Variants in UBE2G1 observed in about 807,000 individuals in gnomAD.
The protein encoded by UBE2G1 is ubiquitin-conjugating enzyme E2 G1.
Under a neutral mutation model 22.7 loss-of-function variants are expected in UBE2G1, and 5 were observed. The ratio of observed to expected loss-of-function variants is 0.22; its 90% CI spans 0.12 to 0.46. The LOEUF (loss-of-function observed/expected upper bound fraction) is 0.46, where lower values mean the gene tolerates loss of function less well. Among genes scored for constraint, UBE2G1 ranks in the 20% least tolerant of loss-of-function variants. The probability of loss-of-function intolerance (pLI) is 0.99; values close to 1 mark genes in which losing one functional copy is unlikely to be tolerated. For synonymous variants in UBE2G1, 74 were observed against 67.5 expected, an observed-to-expected ratio of 1.10 and a Z score of -0.47; for missense variants, 88 against 203.9, an observed-to-expected ratio of 0.43 and a Z score of 3.46.
intron 2 of UBE2G1, chr17:4,301,916 A>C (rs1969184824): frequency 3.1e-5 from 15 of 487,846 alleles, no homozygotes; most frequent in South Asian, 2.4e-4. Flanking sequence ...TGGTCACACA[A>C]CCCCTGGGGT....
chr17:4,366,337 G>A lies in UBE2G1; in HGVS notation c.-21C>T, dbSNP rs1376943298. Reference sequence around the variant, plus strand: ...GTCATCCTCCCTGCCGAGGGCCCGGGCTGGCGCCGGGGCTTCCGAAGGGCT... The same window carrying A: ...GTCATCCTCCCTGCCGAGGGCCCGGACTGGCGCCGGGGCTTCCGAAGGGCT... On this transcript the variant is annotated 5_prime_UTR_variant, in exon 1 of 6. Transcript: ENST00000396981. The A allele has an allele frequency of 1.9e-5, 29 of 1,531,840 alleles. No individual in the cohort carries two copies. The highest frequency in any genetic ancestry group is 2.3e-5 in the Non-Finnish European group (27 of 1,148,986). The allele number at this position is 1,531,840 out of a possible 1,614,324, so 94.9% of individuals were successfully genotyped here. A position where few individuals can be genotyped will look rare whatever the true frequency, so the allele number is the denominator to read the frequency against.
intron 3 of UBE2G1, among the ~76,000 whole-genome samples, chr17:4,293,539 T>C (rs1969069119): frequency 6.6e-6 from 1 of 152,208 alleles, no homozygotes; most frequent in African/African-American, 2.4e-5. Flanking sequence ...GTTAGGTTCC[T>C]AGGATGGAAG....
chr17:4,279,652 G>A (rs370098630), intron 5 of UBE2G1, among the ~76,000 whole-genome samples: 31 of 152,022 alleles, frequency 2.0e-4, no homozygotes, highest in African/African-American at 6.3e-4. Flanking sequence ...GCTCATGCCC[G>A]TAATCCCAGC....
chr17:4,345,111 CAG>C (rs1310069471), intron 1 of UBE2G1, among the ~76,000 whole-genome samples: 1 of 152,130 alleles, frequency 6.6e-6, no homozygotes, highest in African/African-American at 2.4e-5. Flanking sequence ...AAGGGACAAG[CAG>C]AGTGACAGCA....
Position 4,333,115 on chromosome 17 carries a change from A to C in UBE2G1, c.47-25992T>G, listed in dbSNP as rs1281611325. ...AGCCATGTTATTGGCAATGAAACAC[A>C]ACAATTCTTAAGTTTGGAACACAAG... On this transcript the variant is annotated intron_variant, in intron 1 of 5. Transcript: ENST00000396981. Among the ~76,000 whole-genome samples the C allele has an allele frequency of 3.3e-5, 5 of 152,330 alleles. 1 individual carries two copies. In the East Asian group the frequency reaches 7.7e-4, roughly 23 times the overall value.
chr17:4,295,238 G>T, intron 3 of UBE2G1, among the ~76,000 whole-genome samples: 1 of 152,224 alleles, frequency 6.6e-6, no homozygotes, highest in East Asian at 1.9e-4. Flanking sequence ...ACCCATTCAT[G>T]CATGCCCGCA....
chr17:4,291,045 A>C (rs1318815374), intron 3 of UBE2G1, among the ~76,000 whole-genome samples: 2 of 152,118 alleles, frequency 1.3e-5, no homozygotes, highest in South Asian at 4.1e-4. Flanking sequence ...AAATCTATTT[A>C]CTAAAATAGA....
intron 5 of UBE2G1, among the ~76,000 whole-genome samples, chr17:4,273,673 T>C (rs537997282): frequency 1.3e-5 from 2 of 149,506 alleles, no homozygotes; most frequent in East Asian, 4.0e-4. Context: ...ATTTGACTAT[T>C]AGACTTTTCA....
intron 1 of UBE2G1, among the ~76,000 whole-genome samples, chr17:4,344,880 A>T (rs1448019790): frequency 2.0e-5 from 3 of 152,118 alleles, no homozygotes; most frequent in Non-Finnish European, 4.4e-5. Context: ...AATAAATAAA[A>T]AATAAAAGGG....
intron 4 of UBE2G1, among the ~76,000 whole-genome samples, chr17:4,287,526 C>T (rs1253046546): frequency 6.6e-6 from 1 of 152,174 alleles, no homozygotes; most frequent in Non-Finnish European, 1.5e-5. Flanking sequence ...TCTCCCTTAT[C>T]ATGTCTTACA....
chr17:4,316,537 A>C lies in UBE2G1; in HGVS notation c.47-9414T>G, dbSNP rs538232089. Among the ~76,000 whole-genome samples the C allele has an allele frequency of 2.0e-5, 3 of 152,326 alleles. No homozygotes were observed. The South Asian group carries it at 6.2e-4, about 32-fold the overall frequency. The stretch of plus-strand genomic sequence containing the variant: ...TAATTAATACTGAAAAAAGTCAAGC[A>C]TAGCAATCACAAAGGTGTATTTCCT... On this transcript the variant is annotated intron_variant, in intron 1 of 5. Coordinates refer to ENST00000396981, the MANE Select transcript of UBE2G1 (RefSeq NM_003342.5).
At chr17:4,329,109 GA>G (rs56962666) in intron 1 of UBE2G1, among the ~76,000 whole-genome samples, 27,209 of 91,202 alleles carry the variant, frequency 0.3, 2,833 homozygotes, top group African/African-American at 0.34. Flanking sequence ...GTCTCAAAAA[GA>G]AAAAAAAAAA....
At chr17:4,304,971 T>TTA (rs1340494556) in intron 2 of UBE2G1, among the ~76,000 whole-genome samples, 7 of 150,718 alleles carry the variant, frequency 4.6e-5, no homozygotes, top group African/African-American at 1.7e-4. Context: ...TTTTTTTTTT[T>TTA]AGATAGAGTT....
intron 1 of UBE2G1, among the ~76,000 whole-genome samples, chr17:4,360,604 G>A (rs1263633212): frequency 6.6e-6 from 1 of 152,212 alleles, no homozygotes; most frequent in Non-Finnish European, 1.5e-5. Context: ...CATATAATGT[G>A]TATTAACAAA....
chr17:4,331,605 C>A (rs968497589), intron 1 of UBE2G1, among the ~76,000 whole-genome samples: 1 of 152,034 alleles, frequency 6.6e-6, no homozygotes, highest in Non-Finnish European at 1.5e-5. Context: ...TCTCCTCTTC[C>A]CTCCTAAGAA....
intron 3 of UBE2G1, among the ~76,000 whole-genome samples, chr17:4,290,111 A>T (rs1362362477): frequency 3.9e-5 from 6 of 152,162 alleles, no homozygotes; most frequent in Admixed American, 1.3e-4. Context: ...CTTATTCATT[A>T]AAAAAAGGTC....
At chr17:4,293,775 A>T (rs1969071422) in intron 3 of UBE2G1, among the ~76,000 whole-genome samples, 1 of 152,182 alleles carries the variant, frequency 6.6e-6, no homozygotes, top group South Asian at 2.1e-4. Context: ...TGGCCAGTCA[A>T]TCCTAAACTC....
intron 5 of UBE2G1, among the ~76,000 whole-genome samples, chr17:4,277,906 G>A (rs1968840082): frequency 6.6e-6 from 1 of 151,920 alleles, no homozygotes; most frequent in Admixed American, 6.6e-5. Flanking sequence ...GGGGAAACAG[G>A]TATCTTTTAC....
chr17:4,301,909 T>A, intron 2 of UBE2G1: 3 of 492,022 alleles, frequency 6.1e-6, no homozygotes, highest in Non-Finnish European at 1.2e-5. Context: ...GTTCTGCTGG[T>A]CACACAACCC....
Sources: allele counts gnomAD v4.1 joint callset (sites outside exome capture counted in the v4.1 genomes callset), GRCh38; gene constraint gnomAD v4.1.1; transcripts MANE v1.5; gene names NCBI Gene and HGNC (gene_info 2026-07-23, HGNC 2026-07-21).